MTHFD2L: variants seen among roughly 807,000 people sequenced by gnomAD.
MTHFD2L encodes the protein methylenetetrahydrofolate dehydrogenase (NADP+ dependent) 2 like, also known as bifunctional methylenetetrahydrofolate dehydrogenase/cyclohydrolase 2, mitochondrial.
Under a neutral mutation model 34.9 loss-of-function variants are expected in MTHFD2L, and 29 were observed. That is an observed-to-expected ratio of 0.83 (90% CI 0.62 to 1.13). MTHFD2L has a LOEUF of 1.13. MTHFD2L is among the 50% of genes most tolerant of loss of function. The probability of loss-of-function intolerance (pLI) is 0.00; values close to 1 mark genes in which losing one functional copy is unlikely to be tolerated. For synonymous variants in MTHFD2L, 167 were observed against 155.7 expected (o/e 1.07, Z -0.54); for missense variants, 481 against 446.5 (o/e 1.08, Z -0.70).
At chr4:74,237,356 A>G (rs539167008) in intron 6 of MTHFD2L, among the ~76,000 whole-genome samples, 12 of 152,288 alleles carry the variant, frequency 7.9e-5, no homozygotes, top group Admixed American at 2.6e-4. Flanking sequence ...TTAGAAGTCA[A>G]GTGCTTAACC....
intron 3 of MTHFD2L, 76 bp from the exon 4 acceptor site, chr4:74,199,718 G>T: frequency 7.9e-7 from 1 of 1,264,152 alleles, no homozygotes; most frequent in Non-Finnish European, 1.1e-6. Flanking sequence ...TGTGGCTTTA[G>T]ATTCTCAGAT....
At chr4:74,163,169 C>G (rs1725832539) in intron 1 of MTHFD2L, among the ~76,000 whole-genome samples, 2 of 152,040 alleles carry the variant, frequency 1.3e-5, no homozygotes, top group Non-Finnish European at 2.9e-5. Context: ...TTCAGTATCA[C>G]AAAGTTGAGG....
At chr4:74,165,000 A>G in intron 1 of MTHFD2L, 1 of 985,370 alleles carries the variant, frequency 1.0e-6, no homozygotes. Flanking sequence ...AAGGGGTCAA[A>G]TGGATTTTAT....
At chr4:74,228,988 T>G (rs1377445141) in intron 6 of MTHFD2L, among the ~76,000 whole-genome samples, 1 of 152,170 alleles carries the variant, frequency 6.6e-6, no homozygotes, top group African/African-American at 2.4e-5. Flanking sequence ...ACAAAGACAG[T>G]GGGAAGAAGT....
intron 1 of MTHFD2L, among the ~76,000 whole-genome samples, chr4:74,131,807 T>C (rs569375489): frequency 3.9e-5 from 6 of 152,208 alleles, no homozygotes; most frequent in African/African-American, 1.2e-4. Context: ...ACCTATAGAA[T>C]GAGAGAAAAA....
At chr4:74,156,721 T>C (rs1724293555), upstream of MTHFD2L, 1 of 152,210 alleles carries the variant, frequency 6.6e-6, no homozygotes, top group Admixed American at 6.5e-5. Flanking sequence ...GCATTTCGTA[T>C]TATCAATTTT....
chr4:74,288,861 T>TA (rs1234625422), intron 7 of MTHFD2L, among the ~76,000 whole-genome samples: 1 of 152,220 alleles, frequency 6.6e-6, no homozygotes, highest in African/African-American at 2.4e-5. Context: ...ATAGATTTGA[T>TA]ACTTTTTGAC....
chr4:74,191,481 C>A (rs1251141698), intron 3 of MTHFD2L, among the ~76,000 whole-genome samples: 1 of 151,712 alleles, frequency 6.6e-6, no homozygotes, highest in South Asian at 2.1e-4. Context: ...AAGGTAGATG[C>A]AACAATATGA....
chr4:74,149,609 G>T (rs998092247), intron 1 of MTHFD2L, among the ~76,000 whole-genome samples: 1 of 152,088 alleles, frequency 6.6e-6, no homozygotes, highest in Non-Finnish European at 1.5e-5. Context: ...AAATCAAAAC[G>T]ATTAAACTAC....
chr4:74,204,638 G>A (rs1379662786), intron 5 of MTHFD2L, among the ~76,000 whole-genome samples: 1 of 151,816 alleles, frequency 6.6e-6, no homozygotes, highest in Non-Finnish European at 1.5e-5. Context: ...ATTTTTAATA[G>A]GTATCAATAT....
chr4:74,170,764 G>A (rs898880023), intron 1 of MTHFD2L, among the ~76,000 whole-genome samples: 1 of 151,882 alleles, frequency 6.6e-6, no homozygotes, highest in Non-Finnish European at 1.5e-5. Flanking sequence ...TTAAGAAAAT[G>A]TAGCACATAT....
rs1747596376 is a variant in MTHFD2L, at chr4:74,282,268, T to C, written c.931+718T>C. ...TTCAGATTTTCAGTGTGCCTAGGAG[T>C]CTTAGATGTCTATGAAGGCATGAAT... On this transcript the variant is annotated intron_variant, in intron 7 of 7. Coordinates refer to ENST00000325278, the MANE Select transcript of MTHFD2L (RefSeq NM_001144978.3). Among the ~76,000 whole-genome samples, 3 of 152,112 alleles carry C rather than the reference T, an allele frequency of 2.0e-5. No individual in the cohort carries two copies. In the South Asian group the frequency reaches 6.2e-4, roughly 32 times the overall value.
chr4:74,158,333 C>CG, intron 1 of MTHFD2L, 52 bp downstream of exon 1: 1 of 1,190,902 alleles, frequency 8.4e-7, no homozygotes. Flanking sequence ...GGGAGGTCGG[C>CG]GGGGGCGCGG....
chr4:74,290,274 A>G lies in MTHFD2L; in HGVS notation c.931+8724A>G, dbSNP rs557994676. On this transcript the variant is annotated intron_variant, in intron 7 of 7. Coordinates refer to ENST00000325278, the MANE Select transcript of MTHFD2L (RefSeq NM_001144978.3). Reference sequence around the variant, plus strand: ...CTCAGTATCATTATCCTAAGAAACTACTAGAGATGAGGTGAAAACCCCTGG... The same window carrying G: ...CTCAGTATCATTATCCTAAGAAACTGCTAGAGATGAGGTGAAAACCCCTGG... Among the ~76,000 whole-genome samples the G allele has an allele frequency of 2.6e-5, 4 of 152,266 alleles. No homozygotes were observed. The East Asian group carries it at 7.7e-4, about 29-fold the overall frequency.
At chr4:74,133,639 C>T (rs528053813) in intron 1 of MTHFD2L, among the ~76,000 whole-genome samples, 1 of 152,008 alleles carries the variant, frequency 6.6e-6, no homozygotes, top group Admixed American at 6.6e-5. Context: ...TGTGGTTCTC[C>T]GTTCCAAGAT....
chr4:74,136,556 A>T (rs1722948724), intron 1 of MTHFD2L, among the ~76,000 whole-genome samples: 2 of 152,048 alleles, frequency 1.3e-5, no homozygotes, highest in Admixed American at 6.6e-5. Flanking sequence ...ACTACCCCAA[A>T]CAATTTCCAG....
intron 6 of MTHFD2L, among the ~76,000 whole-genome samples, chr4:74,259,825 G>T (rs184473589): frequency 2.4e-4 from 37 of 152,298 alleles, no homozygotes; most frequent in Admixed American, 5.2e-4. Flanking sequence ...CCTACAAGGA[G>T]GCTTGAATAT....
intron 7 of MTHFD2L, among the ~76,000 whole-genome samples, chr4:74,297,567 A>G (rs1412414146): frequency 6.6e-6 from 1 of 151,930 alleles, no homozygotes; most frequent in Non-Finnish European, 1.5e-5. Context: ...TTAATGGAGC[A>G]TGTAGAACAC....
chr4:74,270,145 A>G (rs973379242), intron 6 of MTHFD2L, among the ~76,000 whole-genome samples: 28 of 151,898 alleles, frequency 1.8e-4, no homozygotes, highest in African/African-American at 6.3e-4. Flanking sequence ...CTTTTTGTCC[A>G]AAATTCATTT....
Sources: allele counts gnomAD v4.1 joint callset (sites outside exome capture counted in the v4.1 genomes callset), GRCh38; gene constraint gnomAD v4.1.1; transcripts MANE v1.5; gene names NCBI Gene and HGNC (gene_info 2026-07-23, HGNC 2026-07-21).